RNF115: variants seen among roughly 807,000 people sequenced by gnomAD.
The protein encoded by RNF115 is ring finger protein 115.
Under a neutral mutation model 39.2 loss-of-function variants are expected in RNF115, and 31 were observed. The ratio of observed to expected loss-of-function variants is 0.79; its 90% CI spans 0.59 to 1.07. RNF115 has a LOEUF of 1.07. Among genes scored for constraint, RNF115 ranks in the 50% least tolerant of loss-of-function variants. RNF115 has a pLI of 0.00. For missense variants in RNF115, 384 were observed against 381.7 expected, an observed-to-expected ratio of 1.01 and a Z score of -0.05; for synonymous variants, 124 against 131.0, an observed-to-expected ratio of 0.95 and a Z score of 0.37.
intron 3 of RNF115, among the ~76,000 whole-genome samples, chr1:145,783,114 C>T (rs1331472413): frequency 6.6e-6 from 1 of 152,186 alleles, no homozygotes; most frequent in Non-Finnish European, 1.5e-5. Context: ...CTGCTCACCT[C>T]GGCCTCCCAA....
chr1:145,755,034 T>C (rs1303759352), intron 4 of RNF115, among the ~76,000 whole-genome samples: 3 of 151,814 alleles, frequency 2.0e-5, no homozygotes, highest in African/African-American at 7.3e-5. Context: ...TCACTTGAGG[T>C]CAGGAGTTCG....
At chr1:145,762,836 AG>A (rs1553714038) in intron 4 of RNF115, among the ~76,000 whole-genome samples, 1 of 152,228 alleles carries the variant, frequency 6.6e-6, no homozygotes, top group East Asian at 1.9e-4. Context: ...GCCATAAAAA[AG>A]AACGAAATCA....
At position 145,744,721 on chromosome 1, in the gene RNF115, T is replaced by C. The variant is rs1657805368; in HGVS notation, c.*2145A>G. On this transcript the variant is annotated 3_prime_UTR_variant, in exon 9 of 9. Transcript: ENST00000582693. The stretch of plus-strand genomic sequence containing the variant: ...TGTTTTTGTTCTGATCATTCTAAAC[T>C]GATCATTCTGATCATTGTTGTGTGA... 1 of 152,224 alleles carries C rather than the reference T, an allele frequency of 6.6e-6. No homozygotes were observed. The highest frequency in any genetic ancestry group is 6.5e-5 in the Admixed American group (1 of 15,278). The allele number at this position is 152,224 out of a possible 1,614,324, so 9.4% of individuals were successfully genotyped here.
Position 145,761,657 on chromosome 1 carries a change from C to A in RNF115, c.429-8608G>T, listed in dbSNP as rs189907400. Among the ~76,000 whole-genome samples the A allele has an allele frequency of 4.2e-3, 634 of 152,344 alleles. 3 individuals carry two copies. The highest frequency in any genetic ancestry group is 0.017 in the Middle Eastern group (5 of 294). ...GCAAAAGTTTGCTGCAGGGGCGGAGCCCTCATGGAGAACCTCTGCTAGGGC... is the reference window on the plus strand; with the variant it reads ...GCAAAAGTTTGCTGCAGGGGCGGAGACCTCATGGAGAACCTCTGCTAGGGC... On this transcript the variant is annotated intron_variant, in intron 4 of 8. Transcript: ENST00000582693.
intron 1 of RNF115, among the ~76,000 whole-genome samples, chr1:145,800,482 G>A (rs150968436): frequency 1.6e-4 from 25 of 152,242 alleles, no homozygotes; most frequent in African/African-American, 5.5e-4. Context: ...GGGAGGCCCT[G>A]TGACTTCTTT....
chr1:145,766,654 C>T (rs1262143730), intron 4 of RNF115, among the ~76,000 whole-genome samples: 2 of 147,780 alleles, frequency 1.4e-5, no homozygotes, highest in Non-Finnish European at 3.0e-5. Context: ...CCGGATGGGG[C>T]GGCTGGCCGG....
intron 4 of RNF115, among the ~76,000 whole-genome samples, chr1:145,770,576 A>G (rs1553715601): frequency 6.6e-6 from 1 of 152,194 alleles, no homozygotes; most frequent in Non-Finnish European, 1.5e-5. Context: ...TGTGGCTAGC[A>G]GCTACCATAT....
intron 4 of RNF115, among the ~76,000 whole-genome samples, chr1:145,770,291 C>T (rs1475353947): frequency 6.6e-6 from 1 of 151,954 alleles, no homozygotes; most frequent in Non-Finnish European, 1.5e-5. Flanking sequence ...CAAAGAAACA[C>T]TAATGGATAG....
intron 3 of RNF115, among the ~76,000 whole-genome samples, chr1:145,779,273 C>G (rs1648016526): frequency 6.6e-6 from 1 of 151,836 alleles, no homozygotes; most frequent in African/African-American, 2.4e-5. Context: ...CTCCCAGGCT[C>G]AAGAGATTCT....
Position 145,741,042 on chromosome 1 carries a change from T to G in RNF115, c.*5824A>C, listed in dbSNP as rs1657678619. The stretch of plus-strand genomic sequence containing the variant: ...TAGTAGACATGGTGTTTTATTGTGC[T>G]GCCCAGGCTGGTCTCAAACTCCTGA... On this transcript the variant is annotated 3_prime_UTR_variant, in exon 9 of 9. Coordinates refer to ENST00000582693, the MANE Select transcript of RNF115 (RefSeq NM_014455.4). 6.6e-6 allele frequency: 1 copy of G among 152,244 alleles called. No homozygotes were observed. Among genetic ancestry groups the G allele is most frequent in the Admixed American group, 6.5e-5 (1 of 15,282 alleles). 9.4% of individuals were successfully genotyped at this position (152,244 alleles called of 1,614,324 possible). A position where few individuals can be genotyped will look rare whatever the true frequency, so the allele number is the denominator to read the frequency against.
At chr1:145,778,541 T>C (rs1486869060) in intron 3 of RNF115, among the ~76,000 whole-genome samples, 2 of 152,266 alleles carry the variant, frequency 1.3e-5, no homozygotes, top group Non-Finnish European at 2.9e-5. Flanking sequence ...TAAGGGTAAA[T>C]AATTTTATAA....
chr1:145,819,545 T>A (rs61816196), intron 1 of RNF115, among the ~76,000 whole-genome samples: 12,824 of 145,650 alleles, frequency 0.088, no homozygotes, highest in East Asian at 0.24. Flanking sequence ...AAGAAGAGCT[T>A]GTACCAATCC....
chr1:145,796,396 G>GT (rs1648979123), intron 1 of RNF115, among the ~76,000 whole-genome samples: 2 of 150,648 alleles, frequency 1.3e-5, no homozygotes, highest in African/African-American at 4.9e-5. Flanking sequence ...CACATTTTGT[G>GT]GTAGAAAATA....
At chr1:145,763,984 C>T (rs1553714258) in intron 4 of RNF115, among the ~76,000 whole-genome samples, 1 of 147,834 alleles carries the variant, frequency 6.8e-6, no homozygotes, top group African/African-American at 2.5e-5. Flanking sequence ...GACTGTACTG[C>T]TGCCATCTCG....
At chr1:145,800,723 CACATGAAAGACCTTAAGGGGAGA>C (rs1553720776) in intron 1 of RNF115, among the ~76,000 whole-genome samples, 1 of 152,180 alleles carries the variant, frequency 6.6e-6, no homozygotes, top group Admixed American at 6.5e-5. Context: ...TGACCACAAC[CACATGAAAGACCTTAAGGGGAGA>C]AGTGTCCAGC....
chr1:145,789,002 C>T lies in RNF115; in HGVS notation c.103-36G>A, dbSNP rs1648518824. On this transcript the variant is annotated intron_variant, in intron 1 of 8. Transcript: ENST00000582693. Reference sequence around the variant, plus strand: ...AAGGAAGAAACAAATAAAACTTTTTCATTAGAAAGCTACGTGGTATCTGTA... The same window carrying T: ...AAGGAAGAAACAAATAAAACTTTTTTATTAGAAAGCTACGTGGTATCTGTA... 6 of 1,335,328 alleles carry T rather than the reference C, an allele frequency of 4.5e-6. No homozygotes were observed. The South Asian group carries it at 7.1e-5, about 16-fold the overall frequency. The allele number at this position is 1,335,328 out of a possible 1,614,324, so 82.7% of individuals were successfully genotyped here. A position where few individuals can be genotyped will look rare whatever the true frequency, so the allele number is the denominator to read the frequency against.
At chr1:145,774,623 T>G (rs1365545258) in intron 3 of RNF115, among the ~76,000 whole-genome samples, 2 of 152,202 alleles carry the variant, frequency 1.3e-5, no homozygotes, top group African/African-American at 4.8e-5. Context: ...AGTGCTGGGA[T>G]TACAGGCGTG....
At chr1:145,773,190 T>G (rs1647718696) in intron 3 of RNF115, 1 of 152,240 alleles carries the variant, frequency 6.6e-6, no homozygotes, top group Non-Finnish European at 1.5e-5. Flanking sequence ...TGTCTAGTAA[T>G]TCTAGTATTA....
intron 4 of RNF115, among the ~76,000 whole-genome samples, chr1:145,767,992 TGGGGAGAGGGAG>T (rs1647452750): frequency 3.3e-5 from 5 of 151,474 alleles, no homozygotes; most frequent in Admixed American, 2.0e-4. Context: ...AGGGAGACCG[TGGGGAGAGGGAG>T]AGGGAGAGGG....
Sources: allele counts gnomAD v4.1 joint callset (sites outside exome capture counted in the v4.1 genomes callset), GRCh38; gene constraint gnomAD v4.1.1; transcripts MANE v1.5; gene names NCBI Gene and HGNC (gene_info 2026-07-23, HGNC 2026-07-21).